The following VAV2 variants were observed in gnomAD, a reference collection of about 807,000 sequenced individuals.
VAV2 encodes the protein vav guanine nucleotide exchange factor 2, also known as guanine nucleotide exchange factor VAV2.
Under a neutral mutation model 132.5 loss-of-function variants are expected in VAV2, and 67 were observed. That is an observed-to-expected ratio of 0.51 (90% confidence interval 0.42 to 0.62). The LOEUF (loss-of-function observed/expected upper bound fraction) is 0.62, where lower values mean the gene tolerates loss of function less well. Ranked by LOEUF, VAV2 falls within the 20% of genes least tolerant of loss-of-function variation. The pLI is 0.00. For synonymous variants in VAV2, 492 were observed against 443.5 expected (o/e 1.11, Z -1.37); for missense variants, 938 against 1,153.6 (o/e 0.81, Z 2.71).
At chr9:133,831,591 G>C (rs925626019) in intron 4 of VAV2, among the ~76,000 whole-genome samples, 2 of 152,206 alleles carry the variant, frequency 1.3e-5, no homozygotes, top group African/African-American at 4.8e-5. Flanking sequence ...GTCCTGGGCT[G>C]AACACCCAGG....
In VAV2 at chr9:133,830,255, G is replaced by A. The variant is rs139593239; in HGVS notation, c.449+4017C>T. Among the ~76,000 whole-genome samples, 579 of 152,290 alleles carry A rather than the reference G, an allele frequency of 3.8e-3. 1 individual carries two copies. Among genetic ancestry groups the A allele is most frequent in the Non-Finnish European group, 6.9e-3 (468 of 68,022 alleles). On this transcript the variant is annotated intron_variant, in intron 4 of 29. Coordinates refer to ENST00000371850, the MANE Select transcript of VAV2 (RefSeq NM_001134398.2). ...GCTATGGGCCCAAAGCAAAGAACAG[G>A]TGCGTTCTGCTCCAAATGTCCCTTC...
intron 29 of VAV2, among the ~76,000 whole-genome samples, chr9:133,767,730 G>A (rs550890139): frequency 2.6e-5 from 4 of 152,348 alleles, no homozygotes; most frequent in African/African-American, 7.2e-5. Context: ...TGGGAGCCAA[G>A]GTTAACTGGC....
intron 2 of VAV2, among the ~76,000 whole-genome samples, chr9:133,921,863 T>C (rs1840307995): frequency 6.6e-6 from 1 of 152,166 alleles, no homozygotes; most frequent in South Asian, 2.1e-4. Flanking sequence ...GTCACAGTGG[T>C]TCTAATTGTG....
At chr9:133,799,296 C>T (rs188717866) in intron 9 of VAV2, among the ~76,000 whole-genome samples, 4 of 152,362 alleles carry the variant, frequency 2.6e-5, no homozygotes, top group East Asian at 3.9e-4. Context: ...GTCCTCACCA[C>T]GGCCAGGGCC....
intron 12 of VAV2, among the ~76,000 whole-genome samples, chr9:133,792,528 TTG>T (rs1204134456): frequency 1.9e-5 from 2 of 103,394 alleles, no homozygotes; most frequent in African/African-American, 7.7e-5. Flanking sequence ...GTGTGTGTTA[TTG>T]TGTGTGTGTA....
chr9:133,851,800 A>AATGGATGGATGGATGGATGG (rs141641770), intron 3 of VAV2, among the ~76,000 whole-genome samples: 5 of 138,030 alleles, frequency 3.6e-5, no homozygotes, highest in African/African-American at 1.6e-4. Flanking sequence ...TGGGTGAATA[A>AATGGATGGATGGATGGATGG]ATGGATGGAT....
chr9:133,952,263 A>G (rs1841585392), intron 1 of VAV2, among the ~76,000 whole-genome samples: 1 of 152,120 alleles, frequency 6.6e-6, no homozygotes. Flanking sequence ...TGAGAAGCCT[A>G]TTTGTGACCT....
chr9:133,933,149 G>A (rs1035198659), intron 2 of VAV2, among the ~76,000 whole-genome samples: 1 of 152,240 alleles, frequency 6.6e-6, no homozygotes, highest in Non-Finnish European at 1.5e-5. Flanking sequence ...CACGTGGAAT[G>A]ATCCTTTCCA....
In VAV2 at chr9:133,785,958, C is replaced by G. The variant is rs761815637; in HGVS notation, c.1423-73G>C. ...ATCCTGGCACATGTCCACGTGTACT[C>G]TCGCCTGTGCAGCATGTGCACGTGT... On this transcript the variant is annotated intron_variant, in intron 16 of 29. Transcript: ENST00000371850. 5.9e-6 allele frequency: 8 copies of G among 1,349,044 alleles called. No homozygotes were observed. In the Admixed American group the frequency reaches 7.1e-5, roughly 12 times the overall value. The allele number at this position is 1,349,044 out of a possible 1,614,324, so 83.6% of individuals were successfully genotyped here. A position where few individuals can be genotyped will look rare whatever the true frequency, so the allele number is the denominator to read the frequency against.
At chr9:133,939,284 CG>C in intron 1 of VAV2, 65 bp from the exon 2 acceptor site, 1 of 1,408,642 alleles carries the variant, frequency 7.1e-7, no homozygotes, top group South Asian at 1.2e-5. Flanking sequence ...CTGTAAAAAC[CG>C]TAACAGCAAC....
intron 1 of VAV2, among the ~76,000 whole-genome samples, chr9:133,940,672 C>CGTGTGTGTGTGTGT (rs60265901): frequency 0.015 from 2,062 of 139,210 alleles, 38 homozygotes; most frequent in Admixed American, 0.045. Context: ...TGTCCACGTG[C>CGTGTGTGTGTGTGT]GTGTGTGTGT....
chr9:133,775,934 G>T, intron 24 of VAV2, 94 bp downstream of exon 24: 1 of 1,477,534 alleles, frequency 6.8e-7, no homozygotes, highest in Non-Finnish European at 9.1e-7. Flanking sequence ...CCACCCTGCT[G>T]GGCCGCTCAC....
In VAV2 at chr9:133,926,905, AG is replaced by A. The variant is rs1840498224; in HGVS notation, c.321+12197del. ...ACAGCCCCACTGTGGAGGGATGGGG[AG>A]GCCCAGCACCAGCCCTGGCCACAAC... On this transcript the variant is annotated intron_variant, in intron 2 of 29. Transcript: ENST00000371850. This position sits in a 1 kb window ranked among gnomAD's most constrained non-coding sequence, Gnocchi z 4.3. Among the ~76,000 whole-genome samples, 1 of 152,154 alleles carries A rather than the reference AG, an allele frequency of 6.6e-6. No individual in the cohort carries two copies. Among genetic ancestry groups the A allele is most frequent in the African/African-American group, 2.4e-5 (1 of 41,436 alleles).
chr9:133,909,126 G>A (rs1322221233), intron 2 of VAV2, among the ~76,000 whole-genome samples: 3 of 152,096 alleles, frequency 2.0e-5, no homozygotes, highest in Non-Finnish European at 4.4e-5. Context: ...GATTTGGCTG[G>A]CCCAGCCTGG....
chr9:133,890,603 G>A (rs1838894527), intron 2 of VAV2, among the ~76,000 whole-genome samples: 1 of 152,080 alleles, frequency 6.6e-6, no homozygotes, highest in Non-Finnish European at 1.5e-5. Context: ...GCTAAAGACA[G>A]CACTCCCCAC....
intron 2 of VAV2, among the ~76,000 whole-genome samples, chr9:133,910,214 G>C (rs1476741354): frequency 1.3e-5 from 2 of 152,156 alleles, no homozygotes; most frequent in Non-Finnish European, 1.5e-5. Context: ...ACAAGAAGCT[G>C]GGTGCACCTG....
At chr9:133,784,196 A>T (rs1001826458) in intron 18 of VAV2, 121 bp downstream of exon 18, 9 of 1,086,704 alleles carry the variant, frequency 8.3e-6, no homozygotes, top group South Asian at 8.1e-5. Flanking sequence ...TGTGGGGTAT[A>T]CTCCCTTAAC....
chr9:133,904,540 G>A (rs1388522625), intron 2 of VAV2, among the ~76,000 whole-genome samples: 1 of 152,258 alleles, frequency 6.6e-6, no homozygotes, highest in Non-Finnish European at 1.5e-5. Flanking sequence ...CTGCAACAAA[G>A]CACGTGTCCA....
chr9:133,976,239 G>A (rs997704605), intron 1 of VAV2, among the ~76,000 whole-genome samples: 13 of 152,144 alleles, frequency 8.5e-5, no homozygotes, highest in Admixed American at 8.5e-4. Flanking sequence ...CCGCCTCTAG[G>A]GTCATCCTCC....
Sources: gnomAD v4.1 joint callset for allele counts (sites outside exome capture counted in the v4.1 genomes callset) on GRCh38, gnomAD v4.1.1 for gene constraint, Gnocchi (gnomAD v3.1) non-coding constraint, MANE v1.5 for transcripts, NCBI Gene and HGNC (gene_info 2026-07-23, HGNC 2026-07-21) for gene names.